Variants in ARAP2 observed in about 807,000 individuals in gnomAD.
ARAP2 encodes arf-GAP with Rho-GAP domain, ANK repeat and PH domain-containing protein 2.
ARAP2 carries 148 observed loss-of-function variants against 194.5 expected under a neutral mutation model. The observed-to-expected ratio is 0.76, with a 90% CI of 0.67 to 0.87. The LOEUF (loss-of-function observed/expected upper bound fraction) is 0.87, where lower values mean the gene tolerates loss of function less well. Among genes scored for constraint, ARAP2 ranks in the 40% least tolerant of loss-of-function variants. The pLI, the probability that ARAP2 is intolerant of heterozygous loss-of-function variation, is 0.00. For missense variants in ARAP2, 2,128 were observed against 1,989.7 expected (o/e 1.07, Z -1.32); for synonymous variants, 695 against 683.5 (o/e 1.02, Z -0.26).
At chr4:36,114,939 T>C (rs1400468869) in intron 25 of ARAP2, among the ~76,000 whole-genome samples, 1 of 152,062 alleles carries the variant, frequency 6.6e-6, no homozygotes, top group East Asian at 1.9e-4. Flanking sequence ...TTTCTTTTTG[T>C]TTTTGCTTAT....
chr4:36,133,180 G>A (rs73809105), intron 20 of ARAP2, 46 bp downstream of exon 20: 12 of 1,581,716 alleles, frequency 7.6e-6, no homozygotes, highest in East Asian at 2.3e-5. Flanking sequence ...CTGTAAGAAC[G>A]ATACAATCAG....
intron 27 of ARAP2, among the ~76,000 whole-genome samples, chr4:36,096,019 T>C (rs1715066637): frequency 6.6e-6 from 1 of 152,064 alleles, no homozygotes; most frequent in Non-Finnish European, 1.5e-5. Flanking sequence ...GATAGAACTT[T>C]AAATATCCAT....
chr4:36,037,211 A>G (rs1437089082), intron 5 of ARAP2, among the ~76,000 whole-genome samples: 1 of 152,158 alleles, frequency 6.6e-6, no homozygotes, highest in Non-Finnish European at 1.5e-5. Flanking sequence ...TAGGTTCTCT[A>G]CTTCTCTACC....
rs538242622 is a variant in ARAP2 at position 36,146,744 on chromosome 4, T to C, written c.3263+552A>G. Among the ~76,000 whole-genome samples the C allele has an allele frequency of 5.3e-5, 8 of 152,202 alleles. No homozygotes were observed. In the East Asian group the frequency reaches 7.7e-4, roughly 15 times the overall value. ...TAAAATTGATGGACAGAATAGCATA[T>C]AATTATTTTTGTCTGCTTACACTGT... On this transcript the variant is annotated intron_variant, in intron 19 of 32. Transcript: ENST00000303965.
At chr4:36,136,926 G>GCA (rs1726946746) in intron 19 of ARAP2, among the ~76,000 whole-genome samples, 1 of 25,562 alleles carries the variant, frequency 3.9e-5, no homozygotes, top group South Asian at 2.1e-3. Flanking sequence ...ACATACACGC[G>GCA]CGCGCGCACA....
At chr4:36,242,166 T>C (rs1216262312) in intron 1 of ARAP2, among the ~76,000 whole-genome samples, 2 of 152,208 alleles carry the variant, frequency 1.3e-5, no homozygotes, top group African/African-American at 4.8e-5. Context: ...CAGCGTCTCA[T>C]AGCCTCTAAT....
chr4:36,076,641 G>A (rs1271728552), intron 31 of ARAP2, among the ~76,000 whole-genome samples: 2 of 150,796 alleles, frequency 1.3e-5, no homozygotes, highest in African/African-American at 4.9e-5. Flanking sequence ...CCACCTCCAT[G>A]CTTCCCTCTC....
chr4:36,156,107 T>C (rs1035270760), intron 15 of ARAP2, among the ~76,000 whole-genome samples: 2 of 151,422 alleles, frequency 1.3e-5, no homozygotes, highest in African/African-American at 4.9e-5. Context: ...CATGGTGAAA[T>C]CTCATCTCTA....
intron 31 of ARAP2, among the ~76,000 whole-genome samples, chr4:36,078,484 C>T (rs922939645): frequency 9.9e-5 from 15 of 152,116 alleles, no homozygotes; most frequent in Non-Finnish European, 1.0e-4. Flanking sequence ...TGTATGTCTA[C>T]GCTTTTAACA....
At chr4:36,156,221 A>G (rs1258954579) in intron 15 of ARAP2, among the ~76,000 whole-genome samples, 1 of 150,328 alleles carries the variant, frequency 6.7e-6, no homozygotes, top group Non-Finnish European at 1.5e-5. Context: ...GGCAGAGGTT[A>G]CAGTGAGCTG....
In ARAP2 at chr4:36,241,723, C is replaced by T. The variant is rs1753549051; in HGVS notation, c.-160+2456G>A. On this transcript the variant is annotated intron_variant, in intron 1 of 32. Coordinates refer to ENST00000303965, the MANE Select transcript of ARAP2 (RefSeq NM_015230.4). ...AATTTGATATATTCCAAAAAAAACACTTAAATTGTAATGGTGAGAAAAATC... is the reference window on the plus strand; with the variant it reads ...AATTTGATATATTCCAAAAAAAACATTTAAATTGTAATGGTGAGAAAAATC... 2.0e-5 allele frequency among the ~76,000 whole-genome samples: 3 copies of T among 152,162 alleles called. No individual in the cohort carries two copies. The South Asian group carries it at 6.2e-4, about 31-fold the overall frequency.
At chr4:36,047,109 G>C (rs553003345) in intron 3 of ARAP2, 1 of 152,292 alleles carries the variant, frequency 6.6e-6, no homozygotes, top group East Asian at 1.9e-4. Context: ...GACTTACGTT[G>C]TGCTATGTCT....
At chr4:36,219,483 C>T (rs1006857943) in intron 2 of ARAP2, among the ~76,000 whole-genome samples, 9 of 152,254 alleles carry the variant, frequency 5.9e-5, no homozygotes, top group African/African-American at 2.2e-4. Flanking sequence ...GTGAAATCTA[C>T]AGGTGCCTGA....
chr4:36,014,297 G>GAAAGAAAGAAAGA lies in ARAP2; in HGVS notation n.1056+1088_1056+1089insTCTTTCTTTCTTT, dbSNP rs869236110. Among the ~76,000 whole-genome samples the GAAAGAAAGAAAGA allele has an allele frequency of 2.3e-5, 3 of 130,020 alleles. No homozygotes were observed. In the East Asian group the frequency reaches 6.7e-4, roughly 29 times the overall value. The allele number at this position is 130,020 out of a possible 152,430, so 85.3% of individuals were successfully genotyped here. A position where few individuals can be genotyped will look rare whatever the true frequency, so the allele number is the denominator to read the frequency against. ...AGAAAGAAAGAAAGAAAGAAAGAAA[G>GAAAGAAAGAAAGA]AAGAGAAGGAAGGAAAGAAAGAAAG... is the stretch of plus-strand genomic sequence containing the variant. On this transcript the variant is annotated intron_variant and non_coding_transcript_variant, in intron 8 of 12. Transcript: ENST00000503225.
intron 9 of ARAP2, among the ~76,000 whole-genome samples, chr4:36,010,732 G>A (rs1488911150): frequency 1.3e-5 from 2 of 151,878 alleles, no homozygotes; most frequent in Non-Finnish European, 2.9e-5. Flanking sequence ...CTTCCCCCTC[G>A]CCTCTAAGAA....
chr4:36,223,862 C>T (rs968344586), intron 2 of ARAP2, among the ~76,000 whole-genome samples: 2 of 152,042 alleles, frequency 1.3e-5, no homozygotes, highest in East Asian at 1.9e-4. Flanking sequence ...GTATCCAGAA[C>T]GATAAGAAAA....
intron 9 of ARAP2, among the ~76,000 whole-genome samples, chr4:36,009,518 G>C (rs986381777): frequency 7.2e-5 from 11 of 151,980 alleles, no homozygotes; most frequent in Admixed American, 2.0e-4. Flanking sequence ...AATACAAGAG[G>C]GGGGATAAAG....
intron 32 of ARAP2, among the ~76,000 whole-genome samples, chr4:36,071,900 T>C: frequency 6.6e-6 from 1 of 151,484 alleles, no homozygotes; most frequent in Non-Finnish European, 1.5e-5. Flanking sequence ...CCTTCCTGTG[T>C]CCATGTGATC....
intron 24 of ARAP2, among the ~76,000 whole-genome samples, chr4:36,118,215 A>C (rs1721842061): frequency 6.6e-6 from 1 of 151,066 alleles, no homozygotes; most frequent in South Asian, 2.1e-4. Flanking sequence ...TAAAAGATAC[A>C]GTTGACACTT....
Sources: allele counts gnomAD v4.1 joint callset (sites outside exome capture counted in the v4.1 genomes callset), GRCh38; gene constraint gnomAD v4.1.1; transcripts MANE v1.5; gene names NCBI Gene and HGNC (gene_info 2026-07-23, HGNC 2026-07-21).